Variants in NRP1 observed in about 807,000 individuals in gnomAD.
NRP1 encodes neuropilin-1.
In NRP1, 35 loss-of-function variants were observed where a neutral mutation model predicts 106.7. That is an observed-to-expected ratio of 0.33 (90% CI 0.25 to 0.43). The LOEUF is 0.43. Among genes scored for constraint, NRP1 ranks in the 20% least tolerant of loss-of-function variants. NRP1 has a pLI of 1.00. For missense variants in NRP1, 1,024 were observed against 1,170.4 expected (o/e 0.87, Z 1.83); for synonymous variants, 437 against 417.9 (o/e 1.05, Z -0.56).
chr10:33,218,130 A>C (rs1389839171), intron 8 of NRP1, among the ~76,000 whole-genome samples: 2 of 152,180 alleles, frequency 1.3e-5, no homozygotes, highest in Non-Finnish European at 2.9e-5. Context: ...TAATAACAGA[A>C]GATAGCAGAG....
At position 33,221,764 on chromosome 10, in the gene NRP1, T is replaced by A. The variant is rs1004627552; in HGVS notation, c.1237A>T (p.Thr413Ser). The change falls in exon 8 of 17, where the codon ACT (threonine) becomes TCT (serine). Residue 413 changes from threonine to serine, a missense_variant. By Grantham distance (58) the Thr-to-Ser change is moderately conservative (BLOSUM62 1). This residue lies in a region of NRP1 where 562 missense variants were observed against 620.3 expected (regional missense o/e 0.91). Transcript: ENST00000374867. The stretch of plus-strand genomic sequence containing the variant: ...ACTTCAAATCTCATAGATATGCCAG[T>A]TTCCCAAGTTGCAGGCTTGATTCGG... ...FVRIKPATWE[T>S]GISMRFEVYG... 6.2e-7 allele frequency: 1 copy of A among 1,614,140 alleles called. No individual in the cohort carries two copies. The highest frequency in any genetic ancestry group is 8.5e-7 in the Non-Finnish European group (1 of 1,179,998).
chr10:33,244,390 C>T (rs1307327644), intron 6 of NRP1, among the ~76,000 whole-genome samples: 3 of 152,178 alleles, frequency 2.0e-5, no homozygotes, highest in Non-Finnish European at 2.9e-5. Flanking sequence ...CAACAAACTC[C>T]ACCAAAGGAA....
intron 9 of NRP1, among the ~76,000 whole-genome samples, chr10:33,211,045 A>G (rs1838262662): frequency 6.6e-6 from 1 of 152,242 alleles, no homozygotes; most frequent in Non-Finnish European, 1.5e-5. Flanking sequence ...GGATAGAACC[A>G]TATTTTAGAA....
At chr10:33,281,377 G>A (rs373529953) in intron 2 of NRP1, among the ~76,000 whole-genome samples, 1 of 40,592 alleles carries the variant, frequency 2.5e-5, no homozygotes, top group Non-Finnish European at 8.5e-5. Flanking sequence ...TAAGTGAACT[G>A]ACTTTTTTTT....
At chr10:33,201,039 G>C (rs1000456611) in intron 11 of NRP1, 5 of 152,186 alleles carry the variant, frequency 3.3e-5, no homozygotes, top group African/African-American at 9.6e-5. Context: ...ATGCTAATAT[G>C]TAAAAAGAAA....
chr10:33,234,409 T>C (rs1840402401), intron 6 of NRP1, among the ~76,000 whole-genome samples: 1 of 152,192 alleles, frequency 6.6e-6, no homozygotes, highest in Non-Finnish European at 1.5e-5. Flanking sequence ...ATTAGAAAGA[T>C]AGTTTATAAT....
intron 6 of NRP1, among the ~76,000 whole-genome samples, chr10:33,234,989 G>A (rs1387418828): frequency 1.3e-5 from 2 of 152,096 alleles, no homozygotes; most frequent in African/African-American, 2.4e-5. Context: ...AAAAATGAAG[G>A]CCCCACACAA....
chr10:33,184,513 T>C (rs980479044), intron 15 of NRP1, among the ~76,000 whole-genome samples: 2 of 152,350 alleles, frequency 1.3e-5, no homozygotes, highest in Non-Finnish European at 2.9e-5. Context: ...AATGGAGAAG[T>C]GAAGAAATCA....
intron 1 of NRP1, among the ~76,000 whole-genome samples, chr10:33,333,095 T>C (rs138692716): frequency 4.6e-5 from 7 of 152,328 alleles, no homozygotes; most frequent in African/African-American, 9.6e-5. Flanking sequence ...TGCCAGAGTA[T>C]AGAAAGATGC....
chr10:33,292,260 A>C (rs1845051010), intron 2 of NRP1, among the ~76,000 whole-genome samples: 1 of 152,042 alleles, frequency 6.6e-6, no homozygotes, highest in African/African-American at 2.4e-5. Context: ...CTTTTCCATA[A>C]ACTTCTCAAA....
chr10:33,308,471 T>C (rs887527846), intron 2 of NRP1, among the ~76,000 whole-genome samples: 4 of 151,804 alleles, frequency 2.6e-5, no homozygotes, highest in Middle Eastern at 6.8e-3. Flanking sequence ...ATAAAAGCTG[T>C]CTATAGAAAA....
chr10:33,189,015 T>C (rs1241852832), intron 13 of NRP1, among the ~76,000 whole-genome samples: 1 of 150,570 alleles, frequency 6.6e-6, no homozygotes, highest in Non-Finnish European at 1.5e-5. Context: ...TCCACACTTC[T>C]TCACAAAGAG....
chr10:33,329,297 A>G (rs1226045613), intron 2 of NRP1, among the ~76,000 whole-genome samples: 5 of 152,196 alleles, frequency 3.3e-5, no homozygotes, highest in Non-Finnish European at 7.3e-5. Context: ...ATTTTGTTGC[A>G]CTGTAGTATA....
At position 33,179,999 on chromosome 10, in the gene NRP1, G is replaced by A; in HGVS notation, c.*77C>T. 6.8e-7 allele frequency: 1 copy of A among 1,476,998 alleles called. No homozygotes were observed. The highest frequency in any genetic ancestry group is 1.3e-5 in the South Asian group (1 of 79,078). 91.5% of individuals were successfully genotyped at this position (1,476,998 alleles called of 1,614,324 possible). On this transcript the variant is annotated 3_prime_UTR_variant, in exon 17 of 17. Coordinates refer to ENST00000374867, the MANE Select transcript of NRP1 (RefSeq NM_003873.7). ...CAACACACTTCCCAGCCTGTATAGT[G>A]AAAGATCAACAGCTCCCCAGCTCAC... is the stretch of plus-strand genomic sequence containing the variant.
intron 2 of NRP1, 67 bp downstream of exon 2, chr10:33,330,641 C>A: frequency 2.1e-6 from 3 of 1,395,356 alleles, no homozygotes; most frequent in Non-Finnish European, 2.9e-6. Context: ...CACCGACTTC[C>A]CCCCCGTAGA....
chr10:33,284,935 AG>A, intron 2 of NRP1, among the ~76,000 whole-genome samples: 1 of 151,956 alleles, frequency 6.6e-6, no homozygotes, highest in Non-Finnish European at 1.5e-5. Flanking sequence ...AGCACAGATC[AG>A]AAGCAATAAA....
At chr10:33,255,022 C>A (rs1442115272) in intron 5 of NRP1, among the ~76,000 whole-genome samples, 2 of 152,108 alleles carry the variant, frequency 1.3e-5, no homozygotes, top group Non-Finnish European at 2.9e-5. Context: ...GGAATATGAG[C>A]TTTCAGTTTT....
chr10:33,290,348 GT>G (rs10718716), intron 2 of NRP1, among the ~76,000 whole-genome samples: 59,757 of 135,754 alleles, frequency 0.44, 13,398 homozygotes, highest in East Asian at 0.53. Flanking sequence ...TTACCAAGAG[GT>G]TTTTTTTTTT....
intron 2 of NRP1, among the ~76,000 whole-genome samples, chr10:33,276,744 T>C (rs1026828412): frequency 6.6e-6 from 1 of 152,220 alleles, no homozygotes; most frequent in African/African-American, 2.4e-5. Flanking sequence ...CCACTGGTTA[T>C]TGTTGCTAGA....
Sources: allele counts gnomAD v4.1 joint callset (sites outside exome capture counted in the v4.1 genomes callset), GRCh38; gene constraint gnomAD v4.1.1; regional missense constraint gnomAD v4.1.1; transcripts MANE v1.5; gene names NCBI Gene and HGNC (gene_info 2026-07-23, HGNC 2026-07-21).